The following CDK14 variants were observed in gnomAD, a reference collection of about 807,000 sequenced individuals.
CDK14 encodes cyclin dependent kinase 14.
CDK14 carries 34 observed loss-of-function variants against 60.7 expected under a neutral mutation model. That is an observed-to-expected ratio of 0.56 (90% CI 0.43 to 0.75). CDK14 has a LOEUF of 0.75. Among genes scored for constraint, CDK14 ranks in the 30% least tolerant of loss-of-function variants. CDK14 has a pLI of 0.00. For synonymous variants in CDK14, 197 were observed against 203.7 expected (o/e 0.97, Z 0.28); for missense variants, 482 against 564.1 (o/e 0.85, Z 1.47).
chr7:90,960,257 G>A (rs1477382634), intron 9 of CDK14, among the ~76,000 whole-genome samples: 1 of 152,120 alleles, frequency 6.6e-6, no homozygotes, highest in Non-Finnish European at 1.5e-5. Context: ...TGCTTTGGGG[G>A]TGGGTAAAAT....
At chr7:90,617,158 A>G (rs909929618) in intron 2 of CDK14, among the ~76,000 whole-genome samples, 2 of 152,196 alleles carry the variant, frequency 1.3e-5, no homozygotes, top group Non-Finnish European at 2.9e-5. Context: ...TTGTAAGATT[A>G]TAAGTATCCT....
chr7:90,783,504 C>T (rs1195231202), intron 4 of CDK14, among the ~76,000 whole-genome samples: 1 of 152,040 alleles, frequency 6.6e-6, no homozygotes, highest in Non-Finnish European at 1.5e-5. Flanking sequence ...AAAATACTTG[C>T]AAACTGTTCA....
intron 4 of CDK14, among the ~76,000 whole-genome samples, chr7:90,756,593 A>G (rs1483069159): frequency 6.6e-6 from 1 of 152,230 alleles, no homozygotes; most frequent in African/African-American, 2.4e-5. Flanking sequence ...AAGAGATGAC[A>G]GGCTCCCTGG....
rs1242519770 is a variant in CDK14 at position 90,996,468 on chromosome 7, A to G, written c.1041+12227A>G. 2.0e-5 allele frequency among the ~76,000 whole-genome samples: 3 copies of G among 152,346 alleles called. No individual in the cohort carries two copies. In the East Asian group the frequency reaches 5.8e-4, roughly 29 times the overall value. On this transcript the variant is annotated intron_variant, in intron 10 of 14. Coordinates refer to ENST00000380050, the MANE Select transcript of CDK14 (RefSeq NM_001287135.2). ...TTATGTCTCACTATTACATAACTTG[A>G]TAAAAAGCTATGGCTGTTTGATTAA...
At chr7:90,757,822 C>T (rs1407835402) in intron 4 of CDK14, among the ~76,000 whole-genome samples, 2 of 152,066 alleles carry the variant, frequency 1.3e-5, no homozygotes, top group African/African-American at 2.4e-5. Context: ...AGACTGGTCT[C>T]GAACTCCTGA....
At chr7:90,914,363 G>A (rs7783741) in intron 7 of CDK14, among the ~76,000 whole-genome samples, 22,432 of 152,080 alleles carry the variant, frequency 0.15, 1,738 homozygotes, top group Non-Finnish European at 0.17. Flanking sequence ...CTCAGTTTGC[G>A]TTGCTGTTAA....
chr7:90,688,383 AAACTT>A (rs941399392), intron 2 of CDK14, among the ~76,000 whole-genome samples: 106 of 152,358 alleles, frequency 7.0e-4, no homozygotes, highest in African/African-American at 2.4e-3. Flanking sequence ...CATATTGAAG[AAACTT>A]AACTTGATGA....
At chr7:91,008,141 A>AC (rs1562866076) in intron 10 of CDK14, among the ~76,000 whole-genome samples, 8 of 146,584 alleles carry the variant, frequency 5.5e-5, no homozygotes, top group Non-Finnish European at 1.2e-4. Flanking sequence ...AAAAAAAAAA[A>AC]AAAACAAACA....
chr7:90,793,689 G>A (rs905259017), intron 5 of CDK14, among the ~76,000 whole-genome samples: 2 of 143,194 alleles, frequency 1.4e-5, no homozygotes, highest in Admixed American at 7.2e-5. Context: ...CATGTTTAGT[G>A]GATGAGAGCT....
intron 14 of CDK14, among the ~76,000 whole-genome samples, chr7:91,186,053 T>C (rs1802167387): frequency 6.6e-6 from 1 of 152,066 alleles, no homozygotes; most frequent in African/African-American, 2.4e-5. Context: ...GTTTCAAGGT[T>C]CATCCATCTT....
chr7:91,164,225 T>A (rs1454823256), intron 14 of CDK14, among the ~76,000 whole-genome samples: 1 of 152,208 alleles, frequency 6.6e-6, no homozygotes, highest in Non-Finnish European at 1.5e-5. Context: ...CTACCACTGA[T>A]GAACAAGTGA....
rs191615800 is a variant in CDK14 at position 90,608,474 on chromosome 7, A to T, written c.123+4225A>T. ...CTACAGCAATTCATGAATTGTTCTC[A>T]TGGGTAAATTAAAAGGTTAACTCAT... On this transcript the variant is annotated intron_variant, in intron 2 of 14. Transcript: ENST00000380050. 8.5e-6 allele frequency: 6 copies of T among 704,480 alleles called. No homozygotes were observed. In the East Asian group the frequency reaches 6.5e-4, roughly 76 times the overall value. The allele number at this position is 704,480 out of a possible 1,614,324, so 43.6% of individuals were successfully genotyped here. A position where few individuals can be genotyped will look rare whatever the true frequency, so the allele number is the denominator to read the frequency against.
chr7:90,712,907 G>A (rs1419950467), intron 2 of CDK14, among the ~76,000 whole-genome samples: 2 of 152,048 alleles, frequency 1.3e-5, no homozygotes, highest in African/African-American at 2.4e-5. Context: ...GAGCTGGCAG[G>A]TACTTTAGAA....
chr7:90,822,239 C>T (rs749705180), intron 5 of CDK14, among the ~76,000 whole-genome samples: 7 of 152,016 alleles, frequency 4.6e-5, no homozygotes, highest in African/African-American at 1.7e-4. Context: ...GTATATGGCA[C>T]GTCCAAAATA....
At chr7:90,629,130 G>A (rs999339023) in intron 2 of CDK14, among the ~76,000 whole-genome samples, 17 of 151,462 alleles carry the variant, frequency 1.1e-4, no homozygotes, top group Admixed American at 3.3e-4. Context: ...TTGCTACTAC[G>A]GCAATTACAA....
At chr7:90,700,410 A>G (rs17716105) in intron 2 of CDK14, among the ~76,000 whole-genome samples, 24,359 of 152,074 alleles carry the variant, frequency 0.16, 2,066 homozygotes, top group African/African-American at 0.18. Context: ...CACATCTTTG[A>G]ACCATATGTT....
chr7:91,150,510 A>G (rs1800801551), intron 14 of CDK14, among the ~76,000 whole-genome samples: 1 of 152,150 alleles, frequency 6.6e-6, no homozygotes, highest in Non-Finnish European at 1.5e-5. Flanking sequence ...GTGTTTCTAC[A>G]TGTGTTCACA....
intron 2 of CDK14, among the ~76,000 whole-genome samples, chr7:90,697,792 G>A (rs1801692526): frequency 6.6e-6 from 1 of 151,920 alleles, no homozygotes; most frequent in African/African-American, 2.4e-5. Context: ...GTTGCGGCCG[G>A]GCACGGTGGC....
chr7:91,003,846 G>T (rs1795908429), intron 10 of CDK14, among the ~76,000 whole-genome samples: 1 of 152,092 alleles, frequency 6.6e-6, no homozygotes, highest in Non-Finnish European at 1.5e-5. Flanking sequence ...AATGATTATG[G>T]GGGCAGGCAG....
Sources: gnomAD v4.1 joint callset for allele counts (sites outside exome capture counted in the v4.1 genomes callset) on GRCh38, gnomAD v4.1.1 for gene constraint, MANE v1.5 for transcripts, NCBI Gene and HGNC (gene_info 2026-07-23, HGNC 2026-07-21) for gene names.